RAD52: variants seen among roughly 807,000 people sequenced by gnomAD.
RAD52 encodes the protein DNA repair protein RAD52 homolog.
RAD52 carries 47 observed loss-of-function variants against 55.5 expected under a neutral mutation model. The ratio of observed to expected loss-of-function variants is 0.85; its 90% CI spans 0.67 to 1.08. The LOEUF (loss-of-function observed/expected upper bound fraction) is 1.08. Ranked by LOEUF, RAD52 falls within the 50% of genes least tolerant of loss-of-function variation. The pLI, the probability that RAD52 is intolerant of heterozygous loss-of-function variation, is 0.00. For synonymous variants in RAD52, 184 were observed against 198.9 expected, an observed-to-expected ratio of 0.92 and a Z score of 0.63; for missense variants, 468 against 522.8, an observed-to-expected ratio of 0.90 and a Z score of 1.02.
chr12:913,562 T>G (rs1048786038), intron 11 of RAD52, 110 bp from the exon 12 acceptor site: 25 of 916,010 alleles, frequency 2.7e-5, no homozygotes, highest in Non-Finnish European at 3.6e-5. Flanking sequence ...AGCCCAAGAA[T>G]GAGAATTACT....
At chr12:976,251 C>G (rs1425627815) in intron 1 of RAD52, 4 of 152,206 alleles carry the variant, frequency 2.6e-5, no homozygotes, top group Non-Finnish European at 5.9e-5. Flanking sequence ...ATTCGGGAGG[C>G]AGAGGTTGCA....
At chr12:981,374 A>C (rs552624502) in intron 1 of RAD52, among the ~76,000 whole-genome samples, 4 of 152,074 alleles carry the variant, frequency 2.6e-5, no homozygotes, top group Admixed American at 2.6e-4. Context: ...CAATAATAAA[A>C]ACCCAAAATA....
chr12:942,486 C>T (rs1220900330), intron 1 of RAD52, among the ~76,000 whole-genome samples: 3 of 152,180 alleles, frequency 2.0e-5, no homozygotes, highest in East Asian at 1.9e-4. Context: ...CGGTGGCTCA[C>T]GCCTATAATC....
chr12:977,604 T>C (rs1360836835), intron 1 of RAD52, among the ~76,000 whole-genome samples: 1 of 152,194 alleles, frequency 6.6e-6, no homozygotes, highest in Non-Finnish European at 1.5e-5. Flanking sequence ...TTTGGGACCC[T>C]ATCCTGCCCT....
intron 7 of RAD52, among the ~76,000 whole-genome samples, chr12:923,521 C>T (rs1289905068): frequency 6.6e-6 from 1 of 151,308 alleles, no homozygotes; most frequent in Non-Finnish European, 1.5e-5. Flanking sequence ...GATGGCACTC[C>T]TGCATTCCAG....
intron 1 of RAD52, among the ~76,000 whole-genome samples, chr12:942,573 C>A (rs1170501770): frequency 6.6e-6 from 1 of 151,968 alleles, no homozygotes; most frequent in East Asian, 1.9e-4. Context: ...CTGGTGAAAC[C>A]CTGTCTCTAA....
chr12:923,915 G>A (rs1956875344), intron 7 of RAD52, among the ~76,000 whole-genome samples: 1 of 151,314 alleles, frequency 6.6e-6, no homozygotes, highest in African/African-American at 2.4e-5. Context: ...AATTAGCTGG[G>A]CATGGTGGTG....
chr12:927,769 G>A (rs569209134), intron 5 of RAD52, among the ~76,000 whole-genome samples: 4 of 152,110 alleles, frequency 2.6e-5, no homozygotes, highest in Non-Finnish European at 5.9e-5. Context: ...AGGAGACTGA[G>A]GCAGGAGAAT....
rs752246202 is a variant in RAD52 at position 914,014 on chromosome 12, C to G, written c.1075G>C (p.Ala359Pro). 1.2e-6 allele frequency: 2 copies of G among 1,614,180 alleles called. No homozygotes were observed. Among genetic ancestry groups the G allele is most frequent in the East Asian group, 2.2e-5 (1 of 44,882 alleles). ...TGGGTCACCATCTGGTTGTTCAAGG[C>G]TAATGTGTCAGAGGTCTGGGCTGGG... ...ADPAQTSDTL[A>P]LNNQMVTQNR... Residue 359 changes from alanine to proline, a missense_variant, in exon 11 of 12, where the codon GCC becomes CCC. Ala to Pro is a conservative substitution (Grantham distance 27). Transcript: ENST00000358495.
At chr12:973,779 C>CTTTTT (rs1401411600) in intron 1 of RAD52, among the ~76,000 whole-genome samples, 8 of 136,846 alleles carry the variant, frequency 5.8e-5, no homozygotes, top group African/African-American at 9.1e-5. Flanking sequence ...ACGCCCAGTC[C>CTTTTT]TTCTTTTTTT....
intron 1 of RAD52, among the ~76,000 whole-genome samples, chr12:935,836 A>C (rs949011248): frequency 6.6e-6 from 1 of 150,710 alleles, no homozygotes; most frequent in Non-Finnish European, 1.5e-5. Context: ...CTGGGAAACA[A>C]GAGTGAAACT....
chr12:958,025 C>T (rs1361166026), intron 1 of RAD52, among the ~76,000 whole-genome samples: 1 of 152,174 alleles, frequency 6.6e-6, no homozygotes, highest in Non-Finnish European at 1.5e-5. Flanking sequence ...ATCTGTTCTT[C>T]AGGATGGCTC....
chr12:933,512 T>A (rs1270501726), intron 1 of RAD52, among the ~76,000 whole-genome samples: 1 of 151,630 alleles, frequency 6.6e-6, no homozygotes, highest in East Asian at 1.9e-4. Flanking sequence ...ATTTATAAGC[T>A]TCTAAGCACT....
chr12:934,797 A>G (rs964225625), intron 1 of RAD52, among the ~76,000 whole-genome samples: 1 of 152,042 alleles, frequency 6.6e-6, no homozygotes, highest in African/African-American at 2.4e-5. Flanking sequence ...GGGAAGAAAA[A>G]TCAAGTGAAT....
At chr12:926,895 C>T (rs1441814999) in intron 6 of RAD52, 1 of 1,536,520 alleles carries the variant, frequency 6.5e-7, no homozygotes, top group Non-Finnish European at 8.7e-7. Flanking sequence ...TGACTGAGTG[C>T]ACGGAGAAGA....
chr12:933,120 T>G lies in RAD52; in HGVS notation c.-18-44A>C, dbSNP rs1957427442. On this transcript the variant is annotated intron_variant, in intron 1 of 11. Transcript: ENST00000358495. ...GAAAAAAAAAACAACCCTCAAAGAA[T>G]GTTTAAAGTAAAAGGCAAGAGCCTC... 9 of 1,398,400 alleles carry G rather than the reference T, an allele frequency of 6.4e-6. No individual in the cohort carries two copies. In the South Asian group the frequency reaches 7.3e-5, roughly 11 times the overall value. 86.6% of individuals were successfully genotyped at this position (1,398,400 alleles called of 1,614,324 possible).
At chr12:965,395 C>T (rs1490669509) in intron 1 of RAD52, among the ~76,000 whole-genome samples, 1 of 152,054 alleles carries the variant, frequency 6.6e-6, no homozygotes, top group East Asian at 1.9e-4. Context: ...TAGAGTTATG[C>T]TGTACTCAGA....
intron 1 of RAD52, among the ~76,000 whole-genome samples, chr12:980,196 CG>C (rs572239551): frequency 6.9e-6 from 1 of 145,480 alleles, no homozygotes; most frequent in African/African-American, 2.5e-5. Context: ...TCTTGGCCAG[CG>C]GGGGGTGGAA....
intron 3 of RAD52, among the ~76,000 whole-genome samples, chr12:930,953 A>G (rs1033977771): frequency 2.6e-5 from 4 of 151,022 alleles, no homozygotes; most frequent in African/African-American, 7.3e-5. Flanking sequence ...CCTAGGTGAC[A>G]GAGCAAGACC....
Sources: gnomAD v4.1 joint callset for allele counts (sites outside exome capture counted in the v4.1 genomes callset) on GRCh38, gnomAD v4.1.1 for gene constraint, MANE v1.5 for transcripts, NCBI Gene and HGNC (gene_info 2026-07-23, HGNC 2026-07-21) for gene names.